The following MAML3 variants were observed in gnomAD, a reference collection of about 807,000 sequenced individuals.
MAML3 encodes mastermind like transcriptional coactivator 3.
MAML3 carries 27 observed loss-of-function variants against 101.9 expected under a neutral mutation model. The observed-to-expected ratio is 0.27, with a 90% confidence interval of 0.20 to 0.37. The LOEUF is 0.37. Ranked by LOEUF, MAML3 falls within the 10% of genes least tolerant of loss-of-function variation. The pLI is 1.00. For missense variants in MAML3, 1,316 were observed against 1,444.9 expected (o/e 0.91, Z 1.45); for synonymous variants, 501 against 555.9 (o/e 0.90, Z 1.39).
intron 1 of MAML3, among the ~76,000 whole-genome samples, chr4:140,142,200 A>G (rs1728988932): frequency 6.6e-6 from 1 of 152,220 alleles, no homozygotes; most frequent in Admixed American, 6.5e-5. Flanking sequence ...TATACATAAT[A>G]TGATTCCATT....
intron 2 of MAML3, among the ~76,000 whole-genome samples, chr4:139,847,392 C>T (rs1731469103): frequency 1.3e-5 from 2 of 152,174 alleles, no homozygotes; most frequent in South Asian, 4.1e-4. Context: ...GCAAGAGTCA[C>T]ACGGAATCCC....
intron 1 of MAML3, among the ~76,000 whole-genome samples, chr4:140,125,749 T>G (rs1174557191): frequency 6.6e-6 from 1 of 151,900 alleles, no homozygotes; most frequent in Non-Finnish European, 1.5e-5. Flanking sequence ...TGAGCCACAG[T>G]GCCCAGCCAT....
chr4:140,127,500 C>A (rs1326929712), intron 1 of MAML3, among the ~76,000 whole-genome samples: 2 of 152,162 alleles, frequency 1.3e-5, no homozygotes, highest in East Asian at 3.8e-4. Context: ...ACCTTCCACA[C>A]GAGAGGTATA....
rs1395311920 is a variant in MAML3 at position 140,153,129 on chromosome 4, C to T, written c.199G>A (p.Val67Ile). The T allele has an allele frequency of 1.9e-6, 3 of 1,550,402 alleles. No homozygotes were observed. Among genetic ancestry groups the T allele is most frequent in the Non-Finnish European group, 8.7e-7 (1 of 1,146,756 alleles). ...SGGPGGGSAAVPKHSTVVERL... is the reference protein window; with the variant it reads ...SGGPGGGSAAIPKHSTVVERL... ...TCCACCACGGTGCTGTGCTTGGGAA[C>T]GGCCGCCGAACCGCCGCCGGGGCCC... Residue 67 changes from valine to isoleucine, a missense_variant, in exon 1 of 5, where the codon GTT becomes ATT. Val to Ile is a conservative substitution (Grantham distance 29). Coordinates refer to ENST00000509479, the MANE Select transcript of MAML3 (RefSeq NM_018717.5).
rs1034781531 is a variant in MAML3, at chr4:140,129,917, A to T, written c.468+22943T>A. On this transcript the variant is annotated intron_variant, in intron 1 of 4. Coordinates refer to ENST00000509479, the MANE Select transcript of MAML3 (RefSeq NM_018717.5). ...GAGGCAGAGGTTTCAGTGAGCCAAG[A>T]TTGTGCCACTGCACTCCAGCCTGGG... Among the ~76,000 whole-genome samples the T allele has an allele frequency of 2.0e-5, 3 of 151,436 alleles. No homozygotes were observed. In the East Asian group the frequency reaches 5.8e-4, roughly 29 times the overall value.
intron 1 of MAML3, among the ~76,000 whole-genome samples, chr4:140,053,574 C>CCAAA (rs1163868014): frequency 6.6e-6 from 1 of 152,078 alleles, no homozygotes; most frequent in African/African-American, 2.4e-5. Flanking sequence ...ATAAACAAAA[C>CCAAA]CAAACATGGT....
intron 1 of MAML3, among the ~76,000 whole-genome samples, chr4:140,044,499 C>T (rs959333236): frequency 2.6e-5 from 4 of 152,148 alleles, no homozygotes; most frequent in African/African-American, 4.8e-5. Flanking sequence ...GCCCTTATTT[C>T]GCAAGAGTCC....
At chr4:139,983,480 C>T (rs1318971677) in intron 1 of MAML3, among the ~76,000 whole-genome samples, 1 of 152,108 alleles carries the variant, frequency 6.6e-6, no homozygotes, top group Non-Finnish European at 1.5e-5. Context: ...TATCTCTTAT[C>T]CAAAAGGCTT....
At chr4:139,823,779 T>G (rs1254406121) in intron 2 of MAML3, among the ~76,000 whole-genome samples, 2 of 151,036 alleles carry the variant, frequency 1.3e-5, no homozygotes, top group East Asian at 3.9e-4. Context: ...TTCCTATTCT[T>G]TTTTATCCGC....
intron 1 of MAML3, among the ~76,000 whole-genome samples, chr4:139,960,886 T>C (rs1447398107): frequency 6.6e-6 from 1 of 152,196 alleles, no homozygotes; most frequent in Non-Finnish European, 1.5e-5. Context: ...AAATGTTCTT[T>C]AGCCCAAGTC....
intron 1 of MAML3, among the ~76,000 whole-genome samples, chr4:140,077,237 A>G (rs1418808713): frequency 1.3e-5 from 2 of 152,164 alleles, no homozygotes; most frequent in African/African-American, 2.4e-5. Flanking sequence ...TGCCATAGAG[A>G]ATCATTCTTG....
chr4:139,874,948 C>A (rs151085034), intron 2 of MAML3, among the ~76,000 whole-genome samples: 1 of 151,800 alleles, frequency 6.6e-6, no homozygotes, highest in African/African-American at 2.4e-5. Flanking sequence ...GAATTACAGG[C>A]GTCTGCCACC....
At chr4:140,130,624 C>T (rs950103270) in intron 1 of MAML3, among the ~76,000 whole-genome samples, 2 of 152,094 alleles carry the variant, frequency 1.3e-5, no homozygotes, top group Non-Finnish European at 2.9e-5. Context: ...TTGGTTTCAC[C>T]ATTGGGTAGC....
intron 1 of MAML3, among the ~76,000 whole-genome samples, chr4:140,026,235 TC>T (rs1302031022): frequency 6.6e-6 from 1 of 152,084 alleles, no homozygotes; most frequent in Non-Finnish European, 1.5e-5. Flanking sequence ...CATATATACA[TC>T]TTTAAATTTT....
intron 1 of MAML3, among the ~76,000 whole-genome samples, chr4:139,928,073 G>C (rs753172096): frequency 6.6e-6 from 1 of 152,086 alleles, no homozygotes; most frequent in Admixed American, 6.6e-5. Context: ...CTGTGTGTCT[G>C]TGTGTGTGTA....
intron 2 of MAML3, among the ~76,000 whole-genome samples, chr4:139,802,378 A>G (rs956131712): frequency 5.3e-5 from 8 of 151,868 alleles, no homozygotes; most frequent in Admixed American, 2.0e-4. Context: ...TATCCTTCCT[A>G]TCCAGTTGCA....
intron 1 of MAML3, among the ~76,000 whole-genome samples, chr4:140,073,850 G>A (rs1727706385): frequency 6.6e-6 from 1 of 151,902 alleles, no homozygotes. Flanking sequence ...AAGAGGACAC[G>A]TGGCCAGGTG....
intron 1 of MAML3, among the ~76,000 whole-genome samples, chr4:140,134,918 G>A (rs896564386): frequency 1.3e-5 from 2 of 152,182 alleles, no homozygotes; most frequent in Non-Finnish European, 2.9e-5. Flanking sequence ...TCTGAGCCTC[G>A]CCTTCTGCTG....
At chr4:140,066,058 T>G (rs1292870873) in intron 1 of MAML3, among the ~76,000 whole-genome samples, 5 of 152,178 alleles carry the variant, frequency 3.3e-5, no homozygotes, top group Non-Finnish European at 7.3e-5. Context: ...CACACAATTT[T>G]CAGAAACACA....
Sources: gnomAD v4.1 joint callset for allele counts (sites outside exome capture counted in the v4.1 genomes callset) on GRCh38, gnomAD v4.1.1 for gene constraint, MANE v1.5 for transcripts, NCBI Gene and HGNC (gene_info 2026-07-23, HGNC 2026-07-21) for gene names.